The following GRID2 variants were observed in gnomAD, a reference collection of about 807,000 sequenced individuals.
GRID2 encodes glutamate receptor ionotropic, delta-2.
In GRID2, 33 loss-of-function variants were observed where a neutral mutation model predicts 114.8. The observed-to-expected ratio is 0.29, with a 90% CI of 0.22 to 0.38. GRID2 has a LOEUF of 0.38. Among genes scored for constraint, GRID2 ranks in the 10% least tolerant of loss-of-function variants. The probability of loss-of-function intolerance (pLI) is 1.00; values close to 1 mark genes in which losing one functional copy is unlikely to be tolerated. For synonymous variants in GRID2, 505 were observed against 449.9 expected (o/e 1.12, Z -1.55); for missense variants, 1,184 against 1,257.7 (o/e 0.94, Z 0.89).
intron 4 of GRID2, among the ~76,000 whole-genome samples, chr4:93,200,196 T>G (rs1741924249): frequency 6.6e-6 from 1 of 152,146 alleles, no homozygotes; most frequent in Non-Finnish European, 1.5e-5. Context: ...ATTGTGGTTT[T>G]ATTTTGTCTA....
At chr4:92,900,899 G>C (rs6818303) in intron 2 of GRID2, among the ~76,000 whole-genome samples, 19,608 of 145,244 alleles carry the variant, frequency 0.14, 1,719 homozygotes, top group African/African-American at 0.25. Flanking sequence ...TGCTGCAAAA[G>C]ACATGATTTC....
At chr4:92,588,402 C>T (rs34971193) in intron 1 of GRID2, among the ~76,000 whole-genome samples, 35,056 of 151,818 alleles carry the variant, frequency 0.23, 4,135 homozygotes, top group South Asian at 0.29. Flanking sequence ...TCTGGCCAGG[C>T]GCGGTGGCTC....
intron 14 of GRID2, among the ~76,000 whole-genome samples, chr4:93,632,733 G>A (rs986986337): frequency 1.3e-5 from 2 of 152,068 alleles, no homozygotes; most frequent in Non-Finnish European, 2.9e-5. Flanking sequence ...CTTTCAAGTC[G>A]TTTTTTCCAA....
At chr4:92,362,015 C>T (rs1436196365) in intron 1 of GRID2, among the ~76,000 whole-genome samples, 1 of 151,958 alleles carries the variant, frequency 6.6e-6, no homozygotes, top group African/African-American at 2.4e-5. Context: ...TTCTGTTTCT[C>T]ATTCAAACCC....
intron 2 of GRID2, among the ~76,000 whole-genome samples, chr4:92,993,357 C>T (rs769009866): frequency 2.0e-5 from 3 of 151,324 alleles, no homozygotes; most frequent in Non-Finnish European, 2.9e-5. Flanking sequence ...ACAGTATTCT[C>T]TTCCCTTACA....
intron 2 of GRID2, among the ~76,000 whole-genome samples, chr4:93,074,926 A>G (rs1729123926): frequency 6.6e-6 from 1 of 152,220 alleles, no homozygotes; most frequent in Non-Finnish European, 1.5e-5. Context: ...ACCTGAAGAA[A>G]CAGATAACCT....
At chr4:93,544,351 C>T (rs1300950878) in intron 13 of GRID2, among the ~76,000 whole-genome samples, 1 of 151,994 alleles carries the variant, frequency 6.6e-6, no homozygotes, top group Non-Finnish European at 1.5e-5. Context: ...ATGATATGTC[C>T]TGATCCACCA....
chr4:93,104,947 C>G (rs1196553027), intron 3 of GRID2, among the ~76,000 whole-genome samples: 1 of 151,876 alleles, frequency 6.6e-6, no homozygotes, highest in South Asian at 2.1e-4. Flanking sequence ...GTTCCTGTTT[C>G]TCCACATCCT....
chr4:92,794,575 C>T (rs1273496119), intron 2 of GRID2, among the ~76,000 whole-genome samples: 1 of 151,672 alleles, frequency 6.6e-6, no homozygotes, highest in Non-Finnish European at 1.5e-5. Context: ...AACTAATTGA[C>T]TCCAAAAACT....
At chr4:93,427,132 G>A (rs1286780425) in intron 10 of GRID2, among the ~76,000 whole-genome samples, 1 of 151,970 alleles carries the variant, frequency 6.6e-6, no homozygotes, top group Non-Finnish European at 1.5e-5. Flanking sequence ...TATCAGTAGA[G>A]ATGTAAGTTA....
chr4:92,476,692 T>G (rs1032964136), intron 1 of GRID2, among the ~76,000 whole-genome samples: 4 of 152,174 alleles, frequency 2.6e-5, no homozygotes, highest in Non-Finnish European at 5.9e-5. Flanking sequence ...ATTTCGTATG[T>G]TTTTCTAAAT....
intron 1 of GRID2, among the ~76,000 whole-genome samples, chr4:92,450,835 T>C (rs969524996): frequency 6.7e-6 from 1 of 148,290 alleles, no homozygotes; most frequent in African/African-American, 2.4e-5. Flanking sequence ...AATTTTTAAA[T>C]ATTTATTTTA....
intron 13 of GRID2, among the ~76,000 whole-genome samples, chr4:93,596,274 C>G (rs1739076772): frequency 6.6e-6 from 1 of 152,168 alleles, no homozygotes. Flanking sequence ...ATATGGCTTT[C>G]TTAGAAAATA....
At chr4:92,558,225 G>A (rs1261706848) in intron 1 of GRID2, among the ~76,000 whole-genome samples, 2 of 152,052 alleles carry the variant, frequency 1.3e-5, no homozygotes, top group African/African-American at 4.8e-5. Flanking sequence ...TAAAATAAAG[G>A]TCAATTAGAA....
chr4:92,831,730 G>A (rs779440540), intron 2 of GRID2, among the ~76,000 whole-genome samples: 29 of 151,922 alleles, frequency 1.9e-4, no homozygotes, highest in Non-Finnish European at 3.2e-4. Context: ...GGTGGTACAT[G>A]CCTTAGTTAG....
intron 2 of GRID2, among the ~76,000 whole-genome samples, chr4:92,630,856 A>G (rs1287017711): frequency 1.3e-5 from 2 of 152,066 alleles, no homozygotes; most frequent in South Asian, 2.1e-4. Context: ...CTATAATCCA[A>G]TTGTAGACAA....
intron 12 of GRID2, among the ~76,000 whole-genome samples, chr4:93,514,816 C>T (rs904270541): frequency 2.6e-5 from 4 of 152,088 alleles, no homozygotes; most frequent in Admixed American, 6.6e-5. Flanking sequence ...AGCCTTGCTA[C>T]GTAAAGGAAT....
chr4:92,802,523 A>G (rs1358534132), intron 2 of GRID2, among the ~76,000 whole-genome samples: 1 of 151,844 alleles, frequency 6.6e-6, no homozygotes, highest in African/African-American at 2.4e-5. Flanking sequence ...AGTATATATC[A>G]TAATCATTGT....
At chr4:93,651,896 A>G (rs1029010644) in intron 14 of GRID2, among the ~76,000 whole-genome samples, 4 of 152,182 alleles carry the variant, frequency 2.6e-5, no homozygotes, top group African/African-American at 9.6e-5. Context: ...CTCTAGAAGG[A>G]AAGGTGAACA....
Sources: allele counts gnomAD v4.1 joint callset (sites outside exome capture counted in the v4.1 genomes callset), GRCh38; gene constraint gnomAD v4.1.1; transcripts MANE v1.5; gene names NCBI Gene and HGNC (gene_info 2026-07-23, HGNC 2026-07-21).